Variants in UNC5A observed in about 807,000 individuals in gnomAD.
The protein encoded by UNC5A is netrin receptor UNC5A.
A neutral mutation model predicts 87.4 loss-of-function variants in UNC5A; 20 were observed. The observed-to-expected ratio is 0.23, with a 90% CI of 0.16 to 0.33. UNC5A has a LOEUF of 0.33. UNC5A is among the 10% of genes least tolerant of loss of function. The probability of loss-of-function intolerance (pLI) is 1.00; values close to 1 mark genes in which losing one functional copy is unlikely to be tolerated. For synonymous variants in UNC5A, 438 were observed against 482.3 expected (o/e 0.91, Z 1.20); for missense variants, 844 against 1,133.4 (o/e 0.74, Z 3.67).
chr5:176,817,573 C>A (rs956420166), intron 1 of UNC5A, among the ~76,000 whole-genome samples: 1 of 151,394 alleles, frequency 6.6e-6, no homozygotes, highest in African/African-American at 2.4e-5. Context: ...CCCCACCCCG[C>A]CCCTCCCCAC....
At position 176,876,029 on chromosome 5, in the gene UNC5A, G is replaced by A. The variant is rs552936373; in HGVS notation, c.1379-1163G>A. Among the ~76,000 whole-genome samples the A allele has an allele frequency of 2.8e-4, 42 of 152,352 alleles. No homozygotes were observed. In the South Asian group the frequency reaches 8.5e-3, roughly 31 times the overall value. On this transcript the variant is annotated intron_variant, in intron 8 of 14. Coordinates refer to ENST00000329542, the MANE Select transcript of UNC5A (RefSeq NM_133369.3). ...TTGCTCTTCGCTCCCCAGGCCGGGG[G>A]GTGGCTGCCACTTCCCCCGCATCCT...
At position 176,880,225 on chromosome 5, in the gene UNC5A, GGC is replaced by G. The variant is rs1438467926; in HGVS notation, c.*340_*341del. On this transcript the variant is annotated 3_prime_UTR_variant, in exon 15 of 15. Transcript: ENST00000329542. ...CTCTCCAGGGGCCCCGCATACACAC[GGC>G]CATGCACGCACACACTGGGCCTGGG... The G allele has an allele frequency of 8.2e-6, 2 of 245,256 alleles. No homozygotes were observed. Among genetic ancestry groups the G allele is most frequent in the Non-Finnish European group, 1.6e-5 (2 of 125,100 alleles). The allele number at this position is 245,256 out of a possible 1,614,324, so 15.2% of individuals were successfully genotyped here.
intron 1 of UNC5A, among the ~76,000 whole-genome samples, chr5:176,818,267 C>T (rs1369169414): frequency 1.3e-5 from 2 of 152,208 alleles, no homozygotes; most frequent in Non-Finnish European, 2.9e-5. Context: ...GCCGGGGCTT[C>T]CGATGCACCC....
chr5:176,840,820 G>A (rs1757258186), intron 1 of UNC5A, among the ~76,000 whole-genome samples: 1 of 152,248 alleles, frequency 6.6e-6, no homozygotes, highest in Non-Finnish European at 1.5e-5. Flanking sequence ...CTGCCCCCAT[G>A]AGCCCACGCT....
At chr5:176,876,066 G>T (rs1203006664) in intron 8 of UNC5A, among the ~76,000 whole-genome samples, 1 of 152,246 alleles carries the variant, frequency 6.6e-6, no homozygotes, top group Non-Finnish European at 1.5e-5. Flanking sequence ...TGCTGTGGTT[G>T]ACTTGTCCTT....
intron 6 of UNC5A, among the ~76,000 whole-genome samples, chr5:176,873,530 G>A (rs1017074981): frequency 1.3e-5 from 2 of 152,144 alleles, no homozygotes; most frequent in Non-Finnish European, 2.9e-5. Flanking sequence ...CCAAACCCCT[G>A]CTCCTGGTCT....
At chr5:176,853,632 G>A (rs939968408) in intron 1 of UNC5A, among the ~76,000 whole-genome samples, 1 of 152,198 alleles carries the variant, frequency 6.6e-6, no homozygotes, top group Non-Finnish European at 1.5e-5. Context: ...GTAGGTCGGG[G>A]GAGCAGCCCT....
rs1756997001 is a variant in UNC5A, at chr5:176,830,781, GGCGTGTGTGTGCTGGCATGTGTGTGT to G, written c.70+19974_70+19999del. 3.4e-5 allele frequency among the ~76,000 whole-genome samples: 4 copies of G among 117,836 alleles called. No homozygotes were observed. In the South Asian group the frequency reaches 1.1e-3, roughly 33 times the overall value. 77.3% of individuals were successfully genotyped at this position (117,836 alleles called of 152,430 possible). On this transcript the variant is annotated intron_variant, in intron 1 of 14. Transcript: ENST00000329542. ...GCGTGTGTGTAGGTGTGTGTGTACT[GGCGTGTGTGTGCTGGCATGTGTGTGT>G]GCGTGTGTGTGCGCTGGCATGTATG...
Position 176,824,269 on chromosome 5 carries a change from G to A in UNC5A, c.70+13449G>A, listed in dbSNP as rs979211842. 5.9e-5 allele frequency among the ~76,000 whole-genome samples: 9 copies of A among 152,222 alleles called. No homozygotes were observed. The highest frequency in any genetic ancestry group is 2.2e-4 in the African/African-American group (9 of 41,454). On this transcript the variant is annotated intron_variant, in intron 1 of 14. Coordinates refer to ENST00000329542, the MANE Select transcript of UNC5A (RefSeq NM_133369.3). The surrounding 1 kb of genome is among the most constrained non-coding windows in gnomAD (Gnocchi z 4.2). ...TGAGGCCAGCGCACAGGGAGATCAG[G>A]GACAAGCGGAGGGAGGAGGCTGTCC...
chr5:176,867,122 T>C (rs1003783097), intron 2 of UNC5A, among the ~76,000 whole-genome samples: 11 of 152,168 alleles, frequency 7.2e-5, no homozygotes, highest in African/African-American at 2.7e-4. Flanking sequence ...TGGAAACACA[T>C]TGGCTGCCGG....
intron 1 of UNC5A, among the ~76,000 whole-genome samples, chr5:176,843,945 G>A (rs1032249054): frequency 5.9e-5 from 9 of 152,256 alleles, no homozygotes; most frequent in African/African-American, 1.4e-4. Flanking sequence ...CGTGTGAGGC[G>A]CTCAGCGACA....
chr5:176,823,676 CA>C, intron 1 of UNC5A, among the ~76,000 whole-genome samples: 1 of 151,556 alleles, frequency 6.6e-6, no homozygotes, highest in Non-Finnish European at 1.5e-5. Flanking sequence ...AGAGCCTCCA[CA>C]GGGGGGCTCT....
At position 176,869,358 on chromosome 5, in the gene UNC5A, G is replaced by T. The variant is rs567265051; in HGVS notation, c.721+394G>T. Among the ~76,000 whole-genome samples, 1 of 152,238 alleles carries T rather than the reference G, an allele frequency of 6.6e-6. No homozygotes were observed. The highest frequency in any genetic ancestry group is 2.1e-4 in the South Asian group (1 of 4,826). On this transcript the variant is annotated intron_variant, in intron 5 of 14. Coordinates refer to ENST00000329542, the MANE Select transcript of UNC5A (RefSeq NM_133369.3). This position sits in a 1 kb window ranked among gnomAD's most constrained non-coding sequence, Gnocchi z 9.1. ...CCCAGGAGAGGCTGGGGTCTGGGCTGCAGGAGTGTGTGAGCCGCGGTTCAG... is the reference window on the plus strand; with the variant it reads ...CCCAGGAGAGGCTGGGGTCTGGGCTTCAGGAGTGTGTGAGCCGCGGTTCAG...
At chr5:176,817,419 A>G (rs7716199) in intron 1 of UNC5A, among the ~76,000 whole-genome samples, 3,084 of 152,194 alleles carry the variant, frequency 0.02, 97 homozygotes, top group African/African-American at 0.07. Context: ...CCCGCGCCCC[A>G]GGCCAGCAGG....
rs1758067566 is a variant in UNC5A at position 176,869,870 on chromosome 5, G to A, written c.722-500G>A. 2 of 576,418 alleles carry A rather than the reference G, an allele frequency of 3.5e-6. No homozygotes were observed. Among genetic ancestry groups the A allele is most frequent in the Non-Finnish European group, 6.2e-6 (2 of 321,892 alleles). The allele number at this position is 576,418 out of a possible 1,614,324, so 35.7% of individuals were successfully genotyped here. On this transcript the variant is annotated intron_variant, in intron 5 of 14. Transcript: ENST00000329542. The surrounding 1 kb of genome is among the most constrained non-coding windows in gnomAD (Gnocchi z 9.1). The stretch of plus-strand genomic sequence containing the variant: ...CGCGCCCACCAGCCTGCCCCCCCAT[G>A]GCTCCATCCCACCCACCCGCCACGC...
intron 1 of UNC5A, among the ~76,000 whole-genome samples, chr5:176,861,962 C>T (rs1757851454): frequency 6.6e-6 from 1 of 152,216 alleles, no homozygotes; most frequent in Non-Finnish European, 1.5e-5. Context: ...TGCCTCCAAG[C>T]CAATTACCTG....
chr5:176,822,236 A>T (rs972497352), intron 1 of UNC5A, among the ~76,000 whole-genome samples: 3 of 152,120 alleles, frequency 2.0e-5, no homozygotes, highest in African/African-American at 7.2e-5. Flanking sequence ...GGGGCGGGGG[A>T]TGCTCACTTT....
chr5:176,862,589 C>T (rs1162882367), intron 1 of UNC5A, 35 bp from the exon 2 acceptor site: 1 of 1,599,942 alleles, frequency 6.3e-7, no homozygotes, highest in Admixed American at 1.7e-5. Flanking sequence ...CCCAGTCTGG[C>T]CCCTGGCTCA....
intron 1 of UNC5A, among the ~76,000 whole-genome samples, chr5:176,830,887 T>G (rs1757004069): frequency 1.2e-5 from 1 of 83,838 alleles, no homozygotes; most frequent in Non-Finnish European, 3.3e-5. Context: ...TGTGTGGGTG[T>G]ATGTGCTGGC....
Sources: allele counts gnomAD v4.1 joint callset (sites outside exome capture counted in the v4.1 genomes callset), GRCh38; gene constraint gnomAD v4.1.1; non-coding constraint Gnocchi (gnomAD v3.1); transcripts MANE v1.5; gene names NCBI Gene and HGNC (gene_info 2026-07-23, HGNC 2026-07-21).